The following NOP2 variants were observed in gnomAD, a reference collection of about 807,000 sequenced individuals.
NOP2 encodes the protein NOP2 nucleolar protein, also known as 28S rRNA (cytosine(4447)-C(5))-methyltransferase.
NOP2 carries 7 observed loss-of-function variants against 72.7 expected under a neutral mutation model. The ratio of observed to expected loss-of-function variants is 0.10; its 90% CI spans 0.05 to 0.18. The LOEUF (loss-of-function observed/expected upper bound fraction) is 0.18. Ranked by LOEUF, NOP2 falls within the 10% of genes least tolerant of loss-of-function variation. NOP2 has a pLI of 1.00. For missense variants in NOP2, 954 were observed against 1,014.7 expected, an observed-to-expected ratio of 0.94 and a Z score of 0.81; for synonymous variants, 387 against 388.0, an observed-to-expected ratio of 1.00 and a Z score of 0.03.
In NOP2 at chr12:6,560,716, T is replaced by C. The variant is rs1947623271; in HGVS notation, c.1419A>G (p.Pro473=). 1.9e-6 allele frequency: 3 copies of C among 1,613,438 alleles called. No homozygotes were observed. Among genetic ancestry groups the C allele is most frequent in the African/African-American group, 2.7e-5 (2 of 74,864 alleles). Residue 473 remains proline, a synonymous_variant, in exon 13 of 16, where the codon CCA becomes CCG. Coordinates refer to ENST00000322166, the MANE Select transcript of NOP2 (RefSeq NM_001258308.2). The surrounding 1 kb of genome is among the most constrained non-coding windows in gnomAD (Gnocchi z 5.0). ...CSGTGVISKD[P]AVKTNKDEKD... is the part of the protein sequence containing the mutation. ...TCCTCACCTTGTTAGTCTTCACGGC[T>C]GGATCCTTGGAGATGACCCCAGTGC...
chr12:6,559,835 C>T (rs1323494831), intron 15 of NOP2, among the ~76,000 whole-genome samples: 3 of 152,206 alleles, frequency 2.0e-5, no homozygotes, highest in African/African-American at 7.2e-5. Flanking sequence ...ATTTGGAATG[C>T]ATTTAGTGCT....
rs1249305958 is a variant in NOP2 at position 6,560,213 on chromosome 12, G to A, written c.1674C>T (p.Arg558=). The change falls in exon 15 of 16, where the codon CGC becomes CGT. Residue 558 remains arginine, a synonymous_variant. Coordinates refer to ENST00000322166, the MANE Select transcript of NOP2 (RefSeq NM_001258308.2). This position sits in a 1 kb window ranked among gnomAD's most constrained non-coding sequence, Gnocchi z 5.0. ...QEGFTRFRER[R]FHPSLRSTRR... is the part of the protein sequence containing the mutation. ...GGGTAGAACGCAGACTGGGGTGGAA[G>A]CGCCTTTCTCGAAAGCGGGTAAAAC... 9 of 1,613,886 alleles carry A rather than the reference G, an allele frequency of 5.6e-6. No individual in the cohort carries two copies. Among genetic ancestry groups the A allele is most frequent in the Non-Finnish European group, 7.6e-6 (9 of 1,179,886 alleles).
chr12:6,562,104 C>T (rs1947668077), intron 9 of NOP2, 133 bp from the exon 10 acceptor site: 1 of 687,490 alleles, frequency 1.5e-6, no homozygotes, highest in African/African-American at 1.8e-5. Context: ...TTCTCTCGTG[C>T]CTCAGCCTCC....
In NOP2 at chr12:6,557,389, C is replaced by G. The variant is rs777895271; in HGVS notation, c.2043G>C (p.Gln681His). Residue 681 changes from glutamine to histidine, a missense_variant, in exon 16 of 16, where the codon CAG becomes CAC. Physicochemically the swap from Gln to His is conservative, Grantham distance 24 (BLOSUM62 0). Around this residue, in one of 3 missense-constraint regions of NOP2, gnomAD observed 269 missense variants for 260.2 expected, o/e 1.03. Coordinates refer to ENST00000322166, the MANE Select transcript of NOP2 (RefSeq NM_001258308.2). ...QASSSFQDSS[Q>H]PAGKAEGIRE... ...TGATCCCTTCGGCTTTTCCAGCTGG[C>G]TGACTGCTATCCTGGAAGCTGGAGG... The G allele has an allele frequency of 6.2e-7, 1 of 1,614,072 alleles. No individual in the cohort carries two copies. The highest frequency in any genetic ancestry group is 8.5e-7 in the Non-Finnish European group (1 of 1,179,900).
chr12:6,567,173 C>T (rs916394231), intron 2 of NOP2, among the ~76,000 whole-genome samples: 2 of 152,172 alleles, frequency 1.3e-5, no homozygotes, highest in Non-Finnish European at 2.9e-5. Context: ...TGGTCTCGAA[C>T]ACTGGACCTC....
chr12:6,557,161 C>T lies in NOP2; in HGVS notation c.2271G>A (p.Lys757=), dbSNP rs758243568. 4 of 1,614,026 alleles carry T rather than the reference C, an allele frequency of 2.5e-6. No homozygotes were observed. The highest frequency in any genetic ancestry group is 3.3e-5 in the Admixed American group (2 of 60,024). Residue 757 remains lysine, a synonymous_variant, in exon 16 of 16, where the codon AAG becomes AAA. Coordinates refer to ENST00000322166, the MANE Select transcript of NOP2 (RefSeq NM_001258308.2). ...CAAAAGGCTGCTCTGGCAACTGCTG[C>T]TTCTCAACCCCCTTGGCCCTTCCAA... The part of the protein sequence containing the change: ...QPLGRAKGVE[K]QQLPEQPFEK...
In NOP2 at chr12:6,560,135, G is replaced by A. The variant is rs1464308244; in HGVS notation, c.1752C>T (p.Phe584=). Residue 584 remains phenylalanine (F), a synonymous_variant, in exon 15 of 16, where the codon TTC becomes TTT. Transcript: ENST00000322166. The surrounding 1 kb of genome is among the most constrained non-coding windows in gnomAD (Gnocchi z 5.0). ...HNMDGFFIAK[F]KKFSNSIPQS... ...GAGGGATAGAATTGGAAAATTTCTT[G>A]AACTTGGCAATGAAGAACCCATCCA... 2.5e-6 allele frequency: 4 copies of A among 1,613,998 alleles called. No individual in the cohort carries two copies. Among genetic ancestry groups the A allele is most frequent in the Non-Finnish European group, 3.4e-6 (4 of 1,179,862 alleles).
At chr12:6,567,674 C>T (rs1231297640) in intron 2 of NOP2, 142 bp downstream of exon 2, 3 of 631,944 alleles carry the variant, frequency 4.7e-6, no homozygotes, top group Non-Finnish European at 8.2e-6. Flanking sequence ...ATCTAAACGG[C>T]TGTTTCATTC....
Position 6,557,276 on chromosome 12 carries a change from G to A in NOP2, c.2156C>T (p.Pro719Leu), listed in dbSNP as rs373598365. 2 of 1,613,928 alleles carry A rather than the reference G, an allele frequency of 1.2e-6. No homozygotes were observed. Among genetic ancestry groups the A allele is most frequent in the African/African-American group, 1.3e-5 (1 of 74,926 alleles). Residue 719 changes from proline to leucine, a missense_variant, in exon 16 of 16, where the codon CCT becomes CTT. By Grantham distance (98) the Pro-to-Leu change is moderately conservative (BLOSUM62 -3). Transcript: ENST00000322166. ...KKVAFLRQNA[P>L]PKGTDTQTPA... ...TGTTTGTGTGTCTGTGCCCTTGGGA[G>A]GGGCATTCTGCCTGAGGAAAGCAAC...
At chr12:6,565,380 G>T (rs1947752097) in intron 5 of NOP2, among the ~76,000 whole-genome samples, 1 of 150,092 alleles carries the variant, frequency 6.7e-6, no homozygotes, top group Admixed American at 6.6e-5. Context: ...TCACTTTGTT[G>T]CCCAGGCTGG....
At chr12:6,564,089 T>G in intron 5 of NOP2, 143 bp from the exon 6 acceptor site, 1 of 1,524,164 alleles carries the variant, frequency 6.6e-7, no homozygotes. Flanking sequence ...GAAATGAAAA[T>G]AAGATGGGCG....
chr12:6,562,879 A>C, intron 9 of NOP2, among the ~76,000 whole-genome samples: 1 of 152,170 alleles, frequency 6.6e-6, no homozygotes, highest in East Asian at 1.9e-4. Context: ...CACAGGGAGC[A>C]GAGTATGAAC....
In NOP2 at chr12:6,561,891, C is replaced by T; in HGVS notation, c.1059G>A (p.Val353=). 6.2e-7 allele frequency: 1 copy of T among 1,611,076 alleles called. No homozygotes were observed. The highest frequency in any genetic ancestry group is 8.5e-7 in the Non-Finnish European group (1 of 1,178,740). Residue 353 remains valine, a synonymous_variant, in exon 10 of 16, where the codon GTG becomes GTA. Coordinates refer to ENST00000322166, the MANE Select transcript of NOP2 (RefSeq NM_001258308.2). ...KTGLVVYDSS[V]PIGATPEYLA... ...TGGGTGGGGGAGACTTACCAATGGG[C>T]ACAGAAGAATCATACACCACTAGTC...
chr12:6,563,282 A>C lies in NOP2; in HGVS notation c.888+33T>G, dbSNP rs778062341. The C allele has an allele frequency of 1.7e-5, 27 of 1,563,866 alleles. No individual in the cohort carries two copies. The East Asian group carries it at 6.2e-4, about 36-fold the overall frequency. ...ACACAGCGTAAGGAGGCGAGAAAAG[A>C]AAAGCAAAAGAGGCATTCTGGCAAT... is the stretch of plus-strand genomic sequence containing the variant. On this transcript the variant is annotated intron_variant, in intron 8 of 15. Coordinates refer to ENST00000322166, the MANE Select transcript of NOP2 (RefSeq NM_001258308.2).
At position 6,560,188 on chromosome 12, in the gene NOP2, G is replaced by T. The variant is rs1289765429; in HGVS notation, c.1699C>A (p.Arg567=). The part of the protein sequence containing the change: ...RRFHPSLRST[R]RFYPHTHNMD... ...TTGTGGGTATGAGGGTAGAAGCGTC[G>T]GGTAGAACGCAGACTGGGGTGGAAG... is the stretch of plus-strand genomic sequence containing the variant. The change falls in exon 15 of 16, where the codon CGA becomes AGA. Residue 567 remains arginine, a synonymous_variant. Transcript: ENST00000322166. The surrounding 1 kb of genome is among the most constrained non-coding windows in gnomAD (Gnocchi z 5.0). The T allele has an allele frequency of 6.2e-7, 1 of 1,613,968 alleles. No individual in the cohort carries two copies. Among genetic ancestry groups the T allele is most frequent in the Non-Finnish European group, 8.5e-7 (1 of 1,179,882 alleles).
At position 6,566,306 on chromosome 12, in the gene NOP2, C is replaced by G. The variant is rs200834748; in HGVS notation, c.269G>C (p.Gly90Ala). The G allele has an allele frequency of 6.2e-7, 1 of 1,613,816 alleles. No individual in the cohort carries two copies. Among genetic ancestry groups the G allele is most frequent in the Admixed American group, 1.7e-5 (1 of 60,006 alleles). Residue 90 changes from glycine (G) to alanine (A), a missense_variant, in exon 5 of 16, where the codon GGT becomes GCT. Around this residue, in one of 3 missense-constraint regions of NOP2, gnomAD observed 498 missense variants for 478.3 expected, o/e 1.04. Transcript: ENST00000322166. Reference protein sequence around the residue: ...GISAGAVQTAGKKGPQSLFNA... With the variant: ...GISAGAVQTAAKKGPQSLFNA... The stretch of plus-strand genomic sequence containing the variant: ...AAATAGGGACTGGGGTCCCTTCTTA[C>G]CAGCTGTCTGGACAGCTCCTGCAGA...
At chr12:6,568,160 C>G (rs1484685017) in intron 1 of NOP2, 47 bp downstream of exon 1, 4 of 542,550 alleles carry the variant, frequency 7.4e-6, no homozygotes, top group Non-Finnish European at 9.9e-6. Flanking sequence ...CGTCCCAGAC[C>G]AGGTCAGTGC....
In NOP2 at chr12:6,557,072, G is replaced by T. The variant is rs1174097527; in HGVS notation, c.2360C>A (p.Pro787His). 6.2e-7 allele frequency: 1 copy of T among 1,613,948 alleles called. No homozygotes were observed. Among genetic ancestry groups the T allele is most frequent in the Non-Finnish European group, 8.5e-7 (1 of 1,179,890 alleles). Residue 787 changes from proline (P) to histidine (H), a missense_variant, in exon 16 of 16, where the codon CCC (proline) becomes CAC (histidine). Pro to His is a moderately conservative substitution (Grantham distance 77, BLOSUM62 -2). This residue lies in a region of NOP2 where 269 missense variants were observed against 260.2 expected (regional missense o/e 1.03). Coordinates refer to ENST00000322166, the MANE Select transcript of NOP2 (RefSeq NM_001258308.2). ...TGGTGGGGGGCGGCTGGAACGGATG[G>T]GAGACACAGTGGGAGGCTGAGGCCC... ...PKGPQPPTVS[P>H]IRSSRPPPAK...
At position 6,567,835 on chromosome 12, in the gene NOP2, G is replaced by A; in HGVS notation, c.84C>T (p.Leu28=). 1 of 1,613,960 alleles carries A rather than the reference G, an allele frequency of 6.2e-7. No individual in the cohort carries two copies. Among genetic ancestry groups the A allele is most frequent in the African/African-American group, 1.3e-5 (1 of 75,062 alleles). The part of the protein sequence containing the change: ...ARKQKGAETE[L]VRFLPAVSDE... ...CCTTACCTGCAGGCAAGAATCTGAC[G>A]AGTTCTGTCTCGGCACCCTTCTGCT... Residue 28 remains leucine, a synonymous_variant, in exon 2 of 16, where the codon CTC becomes CTT. Coordinates refer to ENST00000322166, the MANE Select transcript of NOP2 (RefSeq NM_001258308.2).
Sources: gnomAD v4.1 joint callset for allele counts (sites outside exome capture counted in the v4.1 genomes callset) on GRCh38, gnomAD v4.1.1 for gene constraint, gnomAD v4.1.1 regional missense constraint, Gnocchi (gnomAD v3.1) non-coding constraint, MANE v1.5 for transcripts, NCBI Gene and HGNC (gene_info 2026-07-23, HGNC 2026-07-21) for gene names.